The following TBX19 variants were observed in gnomAD, a reference collection of about 807,000 sequenced individuals.
TBX19 encodes the protein T-box transcription factor 19.
Under a neutral mutation model 40.9 loss-of-function variants are expected in TBX19, and 33 were observed. The ratio of observed to expected loss-of-function variants is 0.81; its 90% CI spans 0.61 to 1.08. TBX19 has a LOEUF of 1.08. Among genes scored for constraint, TBX19 ranks in the 50% least tolerant of loss-of-function variants. TBX19 has a pLI of 0.00. For synonymous variants in TBX19, 220 were observed against 225.0 expected, an observed-to-expected ratio of 0.98 and a Z score of 0.20; for missense variants, 494 against 574.0, an observed-to-expected ratio of 0.86 and a Z score of 1.42.
intron 3 of TBX19, among the ~76,000 whole-genome samples, chr1:168,294,774 T>C (rs1649058414): frequency 6.6e-6 from 1 of 152,114 alleles, no homozygotes; most frequent in African/African-American, 2.4e-5. Context: ...AGTGTTGGGA[T>C]TACAGGTGTG....
chr1:168,311,653 T>C (rs1279994725), intron 7 of TBX19, among the ~76,000 whole-genome samples: 1 of 152,118 alleles, frequency 6.6e-6, no homozygotes, highest in Non-Finnish European at 1.5e-5. Context: ...ACAAAACAAA[T>C]GTATTCAATA....
Position 168,313,076 on chromosome 1 carries a change from T to C in TBX19, c.*74T>C. The C allele has an allele frequency of 6.4e-7, 1 of 1,567,690 alleles. No individual in the cohort carries two copies. The highest frequency in any genetic ancestry group is 8.8e-7 in the Non-Finnish European group (1 of 1,140,702). On this transcript the variant is annotated 3_prime_UTR_variant, in exon 8 of 8. Transcript: ENST00000367821. ...TGCTTAGAAACCCCATCAACTGATC[T>C]AGTGAGTCAGACTGTGGAATCTCCC... is the stretch of plus-strand genomic sequence containing the variant.
Position 168,293,657 on chromosome 1 carries a change from G to A in TBX19, c.603+379G>A, listed in dbSNP as rs1251426244. Among the ~76,000 whole-genome samples the A allele has an allele frequency of 2.0e-5, 3 of 152,100 alleles. No homozygotes were observed. The East Asian group carries it at 5.8e-4, about 29-fold the overall frequency. ...AGGAGCTGTCAGGTCTCCTGCTCTA[G>A]AAGCAAGTCTGTAGCAAGTGATCCA... On this transcript the variant is annotated intron_variant, in intron 3 of 7. Coordinates refer to ENST00000367821, the MANE Select transcript of TBX19 (RefSeq NM_005149.3).
At chr1:168,292,639 C>A (rs914359757) in intron 2 of TBX19, among the ~76,000 whole-genome samples, 2 of 151,932 alleles carry the variant, frequency 1.3e-5, no homozygotes, top group East Asian at 1.9e-4. Context: ...CCGAAGTGGG[C>A]GGATCACGAG....
At chr1:168,281,431 C>A in intron 1 of TBX19, 138 bp downstream of exon 1, 1 of 796,066 alleles carries the variant, frequency 1.3e-6, no homozygotes. Flanking sequence ...ACGACTGTCT[C>A]CAATGGCTTT....
chr1:168,302,815 G>A (rs944322143), intron 5 of TBX19, among the ~76,000 whole-genome samples: 2 of 152,126 alleles, frequency 1.3e-5, no homozygotes, highest in Admixed American at 6.5e-5. Flanking sequence ...CTTGCTTAGA[G>A]TGAGAACTGA....
rs891930345 is a variant in TBX19, at chr1:168,313,419, G to A, written c.*417G>A. The stretch of plus-strand genomic sequence containing the variant: ...CTGCTTTGTGAAGCCTGGAAAGTAT[G>A]TGTGGCCACAGGGCTCAGGTTCACA... On this transcript the variant is annotated 3_prime_UTR_variant, in exon 8 of 8. Coordinates refer to ENST00000367821, the MANE Select transcript of TBX19 (RefSeq NM_005149.3). 1.4e-5 allele frequency: 4 copies of A among 277,502 alleles called. No homozygotes were observed. Among genetic ancestry groups the A allele is most frequent in the African/African-American group, 2.2e-5 (1 of 45,348 alleles). 17.2% of individuals were successfully genotyped at this position (277,502 alleles called of 1,614,324 possible). A position where few individuals can be genotyped will look rare whatever the true frequency, so the allele number is the denominator to read the frequency against.
chr1:168,282,350 A>G (rs1441068277), intron 1 of TBX19, among the ~76,000 whole-genome samples: 1 of 152,198 alleles, frequency 6.6e-6, no homozygotes, highest in African/African-American at 2.4e-5. Flanking sequence ...TAGAAAATGA[A>G]CTATTTCTTG....
chr1:168,292,170 G>A (rs1396565350), intron 2 of TBX19, among the ~76,000 whole-genome samples: 1 of 152,136 alleles, frequency 6.6e-6, no homozygotes, highest in Non-Finnish European at 1.5e-5. Context: ...GTGCCCATGT[G>A]CCCCTTCTCT....
At chr1:168,309,785 T>C (rs773383609) in intron 7 of TBX19, among the ~76,000 whole-genome samples, 17 of 152,328 alleles carry the variant, frequency 1.1e-4, no homozygotes, top group African/African-American at 3.4e-4. Flanking sequence ...AGTGATTTTG[T>C]GGCTTTGGGC....
intron 1 of TBX19, among the ~76,000 whole-genome samples, chr1:168,282,980 TA>T (rs1648701231): frequency 1.3e-5 from 2 of 152,244 alleles, no homozygotes; most frequent in Non-Finnish European, 2.9e-5. Context: ...AATGTACTTT[TA>T]CCATTTAAGA....
rs527576573 is a variant in TBX19 at position 168,290,738 on chromosome 1, A to G, written c.204-422A>G. Among the ~76,000 whole-genome samples the G allele has an allele frequency of 7.9e-5, 12 of 151,988 alleles. No individual in the cohort carries two copies. In the South Asian group the frequency reaches 1.9e-3, roughly 24 times the overall value. ...TTTTTTGAGATGGGGGTGTCTCACT[A>G]TGTTGCCCAGGCTGGCATGTTTTGC... On this transcript the variant is annotated intron_variant, in intron 1 of 7. Coordinates refer to ENST00000367821, the MANE Select transcript of TBX19 (RefSeq NM_005149.3).
Position 168,313,919 on chromosome 1 carries a change from AAAAAG to A in TBX19, c.*921_*925del. 1 of 121,394 alleles carries A rather than the reference AAAAAG, an allele frequency of 8.2e-6. No homozygotes were observed. Among genetic ancestry groups the A allele is most frequent in the Non-Finnish European group, 1.7e-5 (1 of 57,450 alleles). The allele number at this position is 121,394 out of a possible 1,614,324, so 7.5% of individuals were successfully genotyped here. The stretch of plus-strand genomic sequence containing the variant: ...GATCAAGGCTTTGTTTCATTTGAAA[AAAAAG>A]AAAGAAAGAAAGAAAGAAAGAAATC... On this transcript the variant is annotated 3_prime_UTR_variant, in exon 8 of 8. Coordinates refer to ENST00000367821, the MANE Select transcript of TBX19 (RefSeq NM_005149.3).
At chr1:168,295,107 C>G (rs1649068168) in intron 3 of TBX19, among the ~76,000 whole-genome samples, 1 of 151,998 alleles carries the variant, frequency 6.6e-6, no homozygotes, top group South Asian at 2.1e-4. Flanking sequence ...CCTGGCCAAC[C>G]TGGTGAAACC....
At chr1:168,303,034 T>C (rs1649315239) in intron 5 of TBX19, among the ~76,000 whole-genome samples, 1 of 152,168 alleles carries the variant, frequency 6.6e-6, no homozygotes, top group South Asian at 2.1e-4. Flanking sequence ...TTTCTTTTTA[T>C]TTATTTATTT....
At chr1:168,296,197 G>A (rs1649101160) in intron 3 of TBX19, among the ~76,000 whole-genome samples, 1 of 152,096 alleles carries the variant, frequency 6.6e-6, no homozygotes, top group Non-Finnish European at 1.5e-5. Context: ...ACCTCTCCAG[G>A]TTTAAGCCAA....
chr1:168,301,701 G>A (rs1317384667), intron 5 of TBX19, among the ~76,000 whole-genome samples: 2 of 152,200 alleles, frequency 1.3e-5, no homozygotes, highest in Non-Finnish European at 2.9e-5. Context: ...TATATACTTG[G>A]GTTAGCAGCA....
intron 7 of TBX19, 31 bp from the exon 8 acceptor site, chr1:168,312,677 A>C (rs1188229729): frequency 1.9e-6 from 3 of 1,604,240 alleles, no homozygotes; most frequent in East Asian, 2.2e-5. Context: ...GCCAGTGAAC[A>C]TTCCCTTCCC....
chr1:168,314,314 T>C lies in TBX19; in HGVS notation c.*1312T>C, dbSNP rs1450225431. 6.5e-6 allele frequency: 1 copy of C among 152,780 alleles called. No individual in the cohort carries two copies. Among genetic ancestry groups the C allele is most frequent in the Non-Finnish European group, 1.5e-5 (1 of 68,138 alleles). 9.5% of individuals were successfully genotyped at this position (152,780 alleles called of 1,614,324 possible). A position where few individuals can be genotyped will look rare whatever the true frequency, so the allele number is the denominator to read the frequency against. ...TACCTGTGAGTGTGTCTCTCCCTAT[T>C]AGACTGTAAGCCTCTCGAGGGTGAG... On this transcript the variant is annotated 3_prime_UTR_variant, in exon 8 of 8. Coordinates refer to ENST00000367821, the MANE Select transcript of TBX19 (RefSeq NM_005149.3).
Sources: allele counts gnomAD v4.1 joint callset (sites outside exome capture counted in the v4.1 genomes callset), GRCh38; gene constraint gnomAD v4.1.1; transcripts MANE v1.5; gene names NCBI Gene and HGNC (gene_info 2026-07-23, HGNC 2026-07-21).